The following SLC9B2 variants were observed in gnomAD, a reference collection of about 807,000 sequenced individuals.
SLC9B2 encodes solute carrier family 9 member B2, also known as sodium/hydrogen exchanger 9B2.
In SLC9B2, 39 loss-of-function variants were observed where a neutral mutation model predicts 52.2. The ratio of observed to expected loss-of-function variants is 0.75; its 90% CI spans 0.58 to 0.98. SLC9B2 has a LOEUF of 0.98. Ranked by LOEUF, SLC9B2 falls within the 50% of genes least tolerant of loss-of-function variation. SLC9B2 has a pLI of 0.00. For synonymous variants in SLC9B2, 214 were observed against 227.0 expected (o/e 0.94, Z 0.51); for missense variants, 626 against 637.5 (o/e 0.98, Z 0.19).
At chr4:103,029,751 A>G (rs1742535664) in intron 10 of SLC9B2, among the ~76,000 whole-genome samples, 1 of 152,148 alleles carries the variant, frequency 6.6e-6, no homozygotes, top group South Asian at 2.1e-4. Flanking sequence ...AAAAAGTAAC[A>G]TTTGTTGAGT....
chr4:103,043,352 C>T lies in SLC9B2; in HGVS notation c.1090G>A (p.Gly364Arg), dbSNP rs759026079. Reference sequence around the variant, plus strand: ...AAAGCCATGACCAACGTGCACAGTCCTCCTGATCCAGGGAAACCAAAATGC... The same window carrying T: ...AAAGCCATGACCAACGTGCACAGTCTTCCTGATCCAGGGAAACCAAAATGC... ...SVHFGFPGSG[G>R]LCTLVMAFLA... is the part of the protein sequence containing the mutation. The change falls in exon 9 of 12, where the codon GGA (glycine) becomes AGA (arginine). Residue 364 changes from glycine (G) to arginine (R), a missense_variant. Transcript: ENST00000394785. 12 of 1,613,718 alleles carry T rather than the reference C, an allele frequency of 7.4e-6. No homozygotes were observed. The highest frequency in any genetic ancestry group is 6.7e-5 in the Admixed American group (4 of 59,896).
chr4:103,068,351 T>G (rs745958787), intron 1 of SLC9B2, among the ~76,000 whole-genome samples: 1 of 152,218 alleles, frequency 6.6e-6, no homozygotes, highest in African/African-American at 2.4e-5. Flanking sequence ...TAGCCACTTT[T>G]GTAGGTAGAG....
Position 103,066,418 on chromosome 4 carries a change from T to C in SLC9B2, c.180A>G (p.Gln60=), listed in dbSNP as rs762421903. The C allele has an allele frequency of 3.1e-6, 5 of 1,614,060 alleles. No homozygotes were observed. The highest frequency in any genetic ancestry group is 1.1e-5 in the South Asian group (1 of 91,082). ...CGTGATTTGCTTCAGTTGGTGTTTC[T>C]TGTAGCTTTTTTTCACTGCTTTTCA... ...ILLKSSEKKL[Q]ETPTEANHVQ... The change falls in exon 3 of 12, where the codon CAA becomes CAG. Residue 60 remains glutamine, a synonymous_variant. Coordinates refer to ENST00000394785, the MANE Select transcript of SLC9B2 (RefSeq NM_178833.7).
intron 1 of SLC9B2, among the ~76,000 whole-genome samples, chr4:103,072,949 GA>G (rs1461962224): frequency 4.6e-5 from 7 of 152,170 alleles, no homozygotes; most frequent in Admixed American, 4.6e-4. Context: ...TCTTATAAAA[GA>G]GGTCAAAGGG....
chr4:103,053,625 T>C (rs1284177301), intron 4 of SLC9B2, among the ~76,000 whole-genome samples: 1 of 152,186 alleles, frequency 6.6e-6, no homozygotes, highest in East Asian at 1.9e-4. Context: ...TCTGGAGAGC[T>C]TTTTAAAACT....
intron 3 of SLC9B2, 149 bp downstream of exon 3, chr4:103,066,178 C>G (rs1746103809): frequency 2.3e-6 from 2 of 876,064 alleles, no homozygotes; most frequent in African/African-American, 3.4e-5. Context: ...ATGTGTGGAG[C>G]AGAGCCACCC....
At chr4:103,053,557 T>A (rs1578465377) in intron 4 of SLC9B2, among the ~76,000 whole-genome samples, 1 of 152,212 alleles carries the variant, frequency 6.6e-6, no homozygotes, top group East Asian at 1.9e-4. Flanking sequence ...TGGGGTGTAA[T>A]GGGCATTTTC....
intron 1 of SLC9B2, among the ~76,000 whole-genome samples, chr4:103,068,456 A>G (rs536901682): frequency 6.6e-6 from 1 of 152,266 alleles, no homozygotes; most frequent in South Asian, 2.1e-4. Context: ...GTCCTCTAAC[A>G]TTTCCCTTTC....
chr4:103,049,184 G>A (rs1489746633), intron 5 of SLC9B2, among the ~76,000 whole-genome samples, 164 bp from the exon 6 acceptor site: 2 of 152,144 alleles, frequency 1.3e-5, no homozygotes, highest in African/African-American at 4.8e-5. Context: ...AGTGTTTTCA[G>A]ACAGCTTATT....
intron 3 of SLC9B2, among the ~76,000 whole-genome samples, chr4:103,065,214 C>T (rs1253144638): frequency 7.0e-6 from 1 of 143,188 alleles, no homozygotes; most frequent in Non-Finnish European, 1.5e-5. Flanking sequence ...ACACATATAA[C>T]TCAAGTATAT....
At position 103,026,295 on chromosome 4, in the gene SLC9B2, T is replaced by C; in HGVS notation, c.*75A>G. On this transcript the variant is annotated 3_prime_UTR_variant, in exon 12 of 12. Transcript: ENST00000394785. ...TCTATTACATTTTAAGCTTAAACATTACATATTTCAATATGCATCTTGAAA... is the reference window on the plus strand; with the variant it reads ...TCTATTACATTTTAAGCTTAAACATCACATATTTCAATATGCATCTTGAAA... 2 of 1,316,704 alleles carry C rather than the reference T, an allele frequency of 1.5e-6. No homozygotes were observed. Among genetic ancestry groups the C allele is most frequent in the Non-Finnish European group, 2.1e-6 (2 of 952,884 alleles). 81.6% of individuals were successfully genotyped at this position (1,316,704 alleles called of 1,614,324 possible). A position where few individuals can be genotyped will look rare whatever the true frequency, so the allele number is the denominator to read the frequency against.
At chr4:103,033,951 AAC>A (rs1464578496) in intron 9 of SLC9B2, among the ~76,000 whole-genome samples, 3 of 152,194 alleles carry the variant, frequency 2.0e-5, no homozygotes, top group Non-Finnish European at 2.9e-5. Flanking sequence ...AATTAGAAAA[AAC>A]ATTATAAAAT....
intron 6 of SLC9B2, chr4:103,048,626 G>T (rs111254763): frequency 3.4e-6 from 1 of 293,424 alleles, no homozygotes; most frequent in South Asian, 4.5e-5. Context: ...GTGGAATCCG[G>T]TATCTCTTTA....
intron 9 of SLC9B2, among the ~76,000 whole-genome samples, chr4:103,033,139 C>G (rs1742847438): frequency 6.6e-6 from 1 of 151,984 alleles, no homozygotes; most frequent in South Asian, 2.1e-4. Context: ...AACAGTGACA[C>G]AATTGACTAG....
chr4:103,059,212 T>TA lies in SLC9B2; in HGVS notation c.272-1242dup, dbSNP rs562049753. ...CTAAGAAAAACCAAAACAATCCTAA[T>TA]AAGAGTCTTAGCACAGATGAATCTA... is the stretch of plus-strand genomic sequence containing the variant. On this transcript the variant is annotated intron_variant, in intron 3 of 11. Coordinates refer to ENST00000394785, the MANE Select transcript of SLC9B2 (RefSeq NM_178833.7). Among the ~76,000 whole-genome samples, 203 of 151,794 alleles carry TA rather than the reference T, an allele frequency of 1.3e-3. 2 individuals carry two copies. Among genetic ancestry groups the TA allele is most frequent in the African/African-American group, 4.8e-3 (200 of 41,364 alleles).
At chr4:103,029,016 T>C (rs1742466786) in intron 10 of SLC9B2, 133 bp from the exon 11 acceptor site, 1 of 735,572 alleles carries the variant, frequency 1.4e-6, no homozygotes, top group South Asian at 2.4e-5. Flanking sequence ...CAAAAATGTT[T>C]AGGAAGAATA....
chr4:103,057,658 C>T, intron 4 of SLC9B2, 143 bp downstream of exon 4: 2 of 825,022 alleles, frequency 2.4e-6, no homozygotes, highest in South Asian at 1.8e-5. Context: ...GATTACAGAA[C>T]TACTCAAAAT....
At chr4:103,068,751 G>A (rs918366785) in intron 1 of SLC9B2, among the ~76,000 whole-genome samples, 7 of 152,062 alleles carry the variant, frequency 4.6e-5, no homozygotes, top group African/African-American at 1.7e-4. Context: ...ACAAACTTGT[G>A]GTAGAATCAA....
chr4:103,021,018 G>C (rs752359808), downstream of SLC9B2, among the ~76,000 whole-genome samples: 13 of 152,154 alleles, frequency 8.5e-5, no homozygotes, highest in Admixed American at 7.2e-4. Context: ...CAGGAGAGTA[G>C]ACAGGGTTTC....
Sources: allele counts gnomAD v4.1 joint callset (sites outside exome capture counted in the v4.1 genomes callset), GRCh38; gene constraint gnomAD v4.1.1; transcripts MANE v1.5; gene names NCBI Gene and HGNC (gene_info 2026-07-23, HGNC 2026-07-21).